Variants in FMNL1 observed in about 807,000 individuals in gnomAD.
FMNL1 encodes the protein formin like 1.
FMNL1 carries 43 observed loss-of-function variants against 121.3 expected under a neutral mutation model. The ratio of observed to expected loss-of-function variants is 0.35; its 90% CI spans 0.28 to 0.46. The LOEUF is 0.46. Ranked by LOEUF, FMNL1 falls within the 20% of genes least tolerant of loss-of-function variation. The pLI is 1.00. For synonymous variants in FMNL1, 613 were observed against 613.5 expected (o/e 1.00, Z 0.01); for missense variants, 1,191 against 1,482.4 (o/e 0.80, Z 3.23).
At position 45,246,266 on chromosome 17, in the gene FMNL1, G is replaced by A; in HGVS notation, c.3147G>A (p.Arg1049=). Reference sequence around the variant, plus strand: ...ACCTCATCTCTGAGCTGAAACGGAGGCAGCAGAAGGAGCCACTCATTTATG... The same window carrying A: ...ACCTCATCTCTGAGCTGAAACGGAGACAGCAGAAGGAGCCACTCATTTATG... ...QMDLISELKR[R]QQKEPLIYES... Residue 1049 remains arginine, a synonymous_variant, in exon 25 of 27, where the codon AGG becomes AGA. Coordinates refer to ENST00000331495, the MANE Select transcript of FMNL1 (RefSeq NM_005892.4). 1 of 1,614,034 alleles carries A rather than the reference G, an allele frequency of 6.2e-7. No homozygotes were observed. The highest frequency in any genetic ancestry group is 8.5e-7 in the Non-Finnish European group (1 of 1,179,954).
rs369812651 is a variant in FMNL1, at chr17:45,236,283, A to G, written c.723+39A>G. The G allele has an allele frequency of 4.8e-4, 753 of 1,559,874 alleles. 6 individuals are homozygous for G. The highest frequency in any genetic ancestry group is 3.5e-3 in the South Asian group (310 of 89,030). On this transcript the variant is annotated intron_variant, in intron 7 of 26. Transcript: ENST00000331495. Reference sequence around the variant, plus strand: ...CATGGGACTGGCGACTAGGGAGCCCAGCCTGTCCTCACTGGGGGCTACACA... The same window carrying G: ...CATGGGACTGGCGACTAGGGAGCCCGGCCTGTCCTCACTGGGGGCTACACA...
Position 45,236,196 on chromosome 17 carries a change from C to G in FMNL1, c.675C>G (p.Asp225Glu), listed in dbSNP as rs767012221. The G allele has an allele frequency of 2.5e-6, 4 of 1,614,018 alleles. No individual in the cohort carries two copies. Among genetic ancestry groups the G allele is most frequent in the Non-Finnish European group, 3.4e-6 (4 of 1,180,032 alleles). ...LRNSRIVSQK[D>E]DVHVCIMCLR... ...ATTCCCGCATCGTCAGCCAGAAGGACGACGTCCACGTCTGTATTATGTGCC... is the reference window on the plus strand; with the variant it reads ...ATTCCCGCATCGTCAGCCAGAAGGAGGACGTCCACGTCTGTATTATGTGCC... The change falls in exon 7 of 27, where the codon GAC becomes GAG. Residue 225 changes from aspartate to glutamate, a missense_variant. Coordinates refer to ENST00000331495, the MANE Select transcript of FMNL1 (RefSeq NM_005892.4).
chr17:45,224,066 G>A (rs1038423464), intron 1 of FMNL1, among the ~76,000 whole-genome samples: 1 of 152,164 alleles, frequency 6.6e-6, no homozygotes, highest in Non-Finnish European at 1.5e-5. Flanking sequence ...AGAAAGTGGA[G>A]GTGCCTAGCA....
Position 45,244,307 on chromosome 17 carries a change from G to A in FMNL1, c.2517+63G>A, listed in dbSNP as rs28597710. On this transcript the variant is annotated intron_variant, in intron 19 of 26. Transcript: ENST00000331495. Reference sequence around the variant, plus strand: ...CTGGATAGTGTGAGAGGGAGACCCAGGCCCTGCTCACCTGCAATGCAACAA... The same window carrying A: ...CTGGATAGTGTGAGAGGGAGACCCAAGCCCTGCTCACCTGCAATGCAACAA... 1,670 of 1,531,350 alleles carry A rather than the reference G, an allele frequency of 1.1e-3. 14 individuals carry two copies. The African/African-American group carries it at 0.02, about 18-fold the overall frequency. The allele number at this position is 1,531,350 out of a possible 1,614,324, so 94.9% of individuals were successfully genotyped here.
At chr17:45,238,767 G>T in intron 10 of FMNL1, 129 bp downstream of exon 10, 1 of 1,262,412 alleles carries the variant, frequency 7.9e-7, no homozygotes, top group Non-Finnish European at 1.1e-6. Context: ...GGTCAGTAGG[G>T]GAAGGGTGGA....
intron 1 of FMNL1, among the ~76,000 whole-genome samples, chr17:45,225,668 C>T (rs1598177785): frequency 6.6e-6 from 1 of 152,062 alleles, no homozygotes. Flanking sequence ...GAACATGGAG[C>T]CCTGGAAGGT....
At chr17:45,242,179 T>TG (rs774892588) in intron 15 of FMNL1, 33 bp downstream of exon 15, 30 of 1,528,014 alleles carry the variant, frequency 2.0e-5, no homozygotes, top group Non-Finnish European at 2.6e-5. Context: ...GGCCCGGGGC[T>TG]GGGGGGAGAT....
intron 15 of FMNL1, 89 bp downstream of exon 15, chr17:45,242,235 G>T: frequency 6.4e-7 from 1 of 1,572,774 alleles, no homozygotes; most frequent in African/African-American, 1.3e-5. Context: ...TCCTCTGCCT[G>T]GGGGCCTCCT....
Position 45,240,471 on chromosome 17 carries a change from G to C in FMNL1, c.1081-5G>C, listed in dbSNP as rs1420222927. 1.9e-6 allele frequency: 3 copies of C among 1,607,944 alleles called. No homozygotes were observed. The highest frequency in any genetic ancestry group is 2.7e-5 in the African/African-American group (2 of 74,606). On this transcript the variant is annotated splice_region_variant and splice_polypyrimidine_tract_variant and intron_variant, in intron 11 of 26. Transcript: ENST00000331495. ...CTCACCCCACTCCTTCCATCTGGGG[G>C]ACAGAGGCTTCGGCTCACCGAGAGT... is the stretch of plus-strand genomic sequence containing the variant.
In FMNL1 at chr17:45,233,626, T is replaced by C. The variant is rs886455670; in HGVS notation, c.402-22T>C. On this transcript the variant is annotated intron_variant, in intron 4 of 26. Transcript: ENST00000331495. The surrounding 1 kb of genome is among the most constrained non-coding windows in gnomAD (Gnocchi z 4.1). Reference sequence around the variant, plus strand: ...GCAGGACCTCCTTTCTGGCTGGAGCTCAGGGAGCCCTGTGCCCACAGGTGG... The same window carrying C: ...GCAGGACCTCCTTTCTGGCTGGAGCCCAGGGAGCCCTGTGCCCACAGGTGG... 1 of 1,613,522 alleles carries C rather than the reference T, an allele frequency of 6.2e-7. No individual in the cohort carries two copies. The highest frequency in any genetic ancestry group is 8.5e-7 in the Non-Finnish European group (1 of 1,179,792).
At chr17:45,226,711 G>GT (rs140805878) in intron 1 of FMNL1, among the ~76,000 whole-genome samples, 6,249 of 152,190 alleles carry the variant, frequency 0.041, 134 homozygotes, top group Middle Eastern at 0.054. Context: ...TTAATTCTGA[G>GT]TGAAAAAAAG....
Position 45,237,596 on chromosome 17 carries a change from G to C in FMNL1, c.851G>C (p.Gly284Ala). 2.5e-6 allele frequency: 4 copies of C among 1,614,186 alleles called. No individual in the cohort carries two copies. Among genetic ancestry groups the C allele is most frequent in the Non-Finnish European group, 3.4e-6 (4 of 1,180,042 alleles). The part of the protein sequence containing the change: ...ELLAAVCLVR[G>A]GHDIILAAFD... ...CTGGCGGCCGTGTGCTTGGTGCGGG[G>C]AGGACATGACATCATCCTTGCAGCC... The change falls in exon 9 of 27, where the codon GGA (glycine) becomes GCA (alanine). Residue 284 changes from glycine (G) to alanine (A), a missense_variant. Coordinates refer to ENST00000331495, the MANE Select transcript of FMNL1 (RefSeq NM_005892.4). This position sits in a 1 kb window ranked among gnomAD's most constrained non-coding sequence, Gnocchi z 4.4.
rs2143464835 is a variant in FMNL1 at position 45,237,915 on chromosome 17, CA to C, written c.894+279del. Reference sequence around the variant, plus strand: ...ACCTCTGACTCAGCCTTGCCAGATCCAAACTAGCCTTGGTTCATACCTCCAG... The same window carrying C: ...ACCTCTGACTCAGCCTTGCCAGATCCAACTAGCCTTGGTTCATACCTCCAG... On this transcript the variant is annotated intron_variant, in intron 9 of 26. Coordinates refer to ENST00000331495, the MANE Select transcript of FMNL1 (RefSeq NM_005892.4). This position sits in a 1 kb window ranked among gnomAD's most constrained non-coding sequence, Gnocchi z 4.4. 1 of 389,806 alleles carries C rather than the reference CA, an allele frequency of 2.6e-6. No individual in the cohort carries two copies. The highest frequency in any genetic ancestry group is 4.8e-6 in the Non-Finnish European group (1 of 210,344). 24.1% of individuals were successfully genotyped at this position (389,806 alleles called of 1,614,324 possible).
chr17:45,229,333 G>C (rs902848888), intron 1 of FMNL1, among the ~76,000 whole-genome samples: 2 of 152,242 alleles, frequency 1.3e-5, no homozygotes, highest in Admixed American at 1.3e-4. Context: ...GATTTTGGGG[G>C]TAAGGTCTGG....
Position 45,233,148 on chromosome 17 carries a change from C to A in FMNL1, c.328-76C>A. On this transcript the variant is annotated intron_variant, in intron 3 of 26. Transcript: ENST00000331495. This position sits in a 1 kb window ranked among gnomAD's most constrained non-coding sequence, Gnocchi z 4.1. ...AGTTGGAGGAGGGTGGGCGCTGCTG[C>A]CTGCTGCCTCAGGACTTGGTGGGCC... The A allele has an allele frequency of 6.8e-7, 1 of 1,470,234 alleles. No individual in the cohort carries two copies. The highest frequency in any genetic ancestry group is 9.3e-7 in the Non-Finnish European group (1 of 1,074,122). The allele number at this position is 1,470,234 out of a possible 1,614,324, so 91.1% of individuals were successfully genotyped here. A position where few individuals can be genotyped will look rare whatever the true frequency, so the allele number is the denominator to read the frequency against.
intron 6 of FMNL1, 129 bp from the exon 7 acceptor site, chr17:45,236,003 TTTGG>T (rs1407552105): frequency 4.3e-6 from 3 of 699,604 alleles, no homozygotes; most frequent in African/African-American, 1.8e-5. Context: ...AGCCAGCCTC[TTTGG>T]TTGGGTAGAT....
intron 6 of FMNL1, among the ~76,000 whole-genome samples, chr17:45,235,593 G>A (rs115138658): frequency 1.2e-3 from 190 of 152,316 alleles, no homozygotes; most frequent in African/African-American, 4.3e-3. Flanking sequence ...ATTTGTTGGC[G>A]AAGAATAAGG....
intron 6 of FMNL1, among the ~76,000 whole-genome samples, chr17:45,235,653 A>AT (rs2043534431): frequency 6.6e-6 from 1 of 152,210 alleles, no homozygotes; most frequent in South Asian, 2.1e-4. Context: ...TTCTAAGCCT[A>AT]TTCCATAGTC....
chr17:45,240,335 A>T (rs1256561298), intron 11 of FMNL1, 141 bp from the exon 12 acceptor site: 1 of 814,756 alleles, frequency 1.2e-6, no homozygotes. Context: ...TTTGTGAATT[A>T]TATATTAAAA....
Sources: gnomAD v4.1 joint callset for allele counts (sites outside exome capture counted in the v4.1 genomes callset) on GRCh38, gnomAD v4.1.1 for gene constraint, Gnocchi (gnomAD v3.1) non-coding constraint, MANE v1.5 for transcripts, NCBI Gene and HGNC (gene_info 2026-07-23, HGNC 2026-07-21) for gene names.